The following PDS5A variants were observed in gnomAD, a reference collection of about 807,000 sequenced individuals.
PDS5A encodes PDS5 cohesin associated factor A.
PDS5A carries 42 observed loss-of-function variants against 167.1 expected under a neutral mutation model. The observed-to-expected ratio is 0.25, with a 90% CI of 0.20 to 0.33. The LOEUF is 0.33. Ranked by LOEUF, PDS5A falls within the 10% of genes least tolerant of loss-of-function variation. The pLI, the probability that PDS5A is intolerant of heterozygous loss-of-function variation, is 1.00. For missense variants in PDS5A, 1,033 were observed against 1,605.9 expected (o/e 0.64, Z 6.10); for synonymous variants, 553 against 554.6 (o/e 1.00, Z 0.04).
chr4:39,928,233 TAA>T (rs149442914), intron 2 of PDS5A, 69 bp from the exon 3 acceptor site: 742 of 812,066 alleles, frequency 9.1e-4, no homozygotes, highest in South Asian at 1.7e-3. Context: ...GGATGTGATT[TAA>T]AAAAAAAAAA....
chr4:39,928,228 T>C (rs1725638911), intron 2 of PDS5A, 64 bp from the exon 3 acceptor site: 3 of 1,119,638 alleles, frequency 2.7e-6, no homozygotes, highest in Non-Finnish European at 3.8e-6. Context: ...GTGGAGGATG[T>C]GATTTAAAAA....
At chr4:39,896,898 A>G (rs867207658) in intron 16 of PDS5A, among the ~76,000 whole-genome samples, 9 of 149,518 alleles carry the variant, frequency 6.0e-5, no homozygotes, top group Admixed American at 2.0e-4. Flanking sequence ...CAGTTCCGTT[A>G]TAATCTTTTT....
chr4:39,951,105 C>A (rs991762001), intron 2 of PDS5A, among the ~76,000 whole-genome samples: 4 of 152,066 alleles, frequency 2.6e-5, no homozygotes, highest in Non-Finnish European at 4.4e-5. Context: ...GTTGCCCAGG[C>A]TGGTCTCAAA....
intron 2 of PDS5A, among the ~76,000 whole-genome samples, chr4:39,965,279 C>A (rs1460689495): frequency 6.6e-6 from 1 of 152,160 alleles, no homozygotes; most frequent in Non-Finnish European, 1.5e-5. Context: ...CAGAAAAGAA[C>A]CCAGCTGGGT....
At position 39,862,730 on chromosome 4, in the gene PDS5A, A is replaced by G. The variant is rs1382218533; in HGVS notation, c.2971+139T>C. The G allele has an allele frequency of 6.4e-6, 4 of 624,350 alleles. No individual in the cohort carries two copies. The Admixed American group carries it at 1.2e-4, about 18-fold the overall frequency. 38.7% of individuals were successfully genotyped at this position (624,350 alleles called of 1,614,324 possible). On this transcript the variant is annotated intron_variant, in intron 25 of 32. Coordinates refer to ENST00000303538, the MANE Select transcript of PDS5A (RefSeq NM_001100399.2). ...CAGGAGTTCAGTTTTTAAGTACATC[A>G]TAACTACAATGACAGCATTCTATAA...
chr4:39,874,245 A>G, intron 20 of PDS5A, 44 bp downstream of exon 20: 1 of 1,544,502 alleles, frequency 6.5e-7, no homozygotes, highest in Non-Finnish European at 8.8e-7. Context: ...ATAGAGCTTA[A>G]AAAATAAAGA....
intron 32 of PDS5A, among the ~76,000 whole-genome samples, chr4:39,831,090 G>C (rs1715819573): frequency 6.6e-6 from 1 of 152,142 alleles, no homozygotes; most frequent in Admixed American, 6.6e-5. Flanking sequence ...TAGCCACATA[G>C]AGTTGTTTTT....
At position 39,936,468 on chromosome 4, in the gene PDS5A, G is replaced by A. The variant is rs575690318; in HGVS notation, c.139-8304C>T. On this transcript the variant is annotated intron_variant, in intron 2 of 32. Coordinates refer to ENST00000303538, the MANE Select transcript of PDS5A (RefSeq NM_001100399.2). ...TTATTTATCTATTTGAGACAGTTTC[G>A]CTGTCACCCAGGCTGGAGTGCAGTG... Among the ~76,000 whole-genome samples, 11 of 152,070 alleles carry A rather than the reference G, an allele frequency of 7.2e-5. No homozygotes were observed. In the South Asian group the frequency reaches 1.5e-3, roughly 20 times the overall value.
intron 5 of PDS5A, among the ~76,000 whole-genome samples, chr4:39,924,942 T>C (rs1652158276): frequency 6.6e-6 from 1 of 152,092 alleles, no homozygotes; most frequent in African/African-American, 2.4e-5. Flanking sequence ...CAAAACTCTA[T>C]CTCTACTAAA....
chr4:39,835,823 A>C (rs769847197), intron 32 of PDS5A, among the ~76,000 whole-genome samples: 3 of 152,164 alleles, frequency 2.0e-5, no homozygotes, highest in Non-Finnish European at 4.4e-5. Flanking sequence ...GTGCCTGGCC[A>C]CAAGTATGTA....
rs997080322 is a variant in PDS5A, at chr4:39,898,958, G to A, written c.1582-133C>T. The stretch of plus-strand genomic sequence containing the variant: ...AAAGTTCATCACAGTCTGCTCAATG[G>A]AAAATGGTTTTACCACATATATACG... On this transcript the variant is annotated intron_variant, in intron 14 of 32. Transcript: ENST00000303538. 45 of 612,106 alleles carry A rather than the reference G, an allele frequency of 7.4e-5. 1 individual carries two copies. The Middle Eastern group carries it at 1.2e-3, about 16-fold the overall frequency. 37.9% of individuals were successfully genotyped at this position (612,106 alleles called of 1,614,324 possible). A position where few individuals can be genotyped will look rare whatever the true frequency, so the allele number is the denominator to read the frequency against.
rs572640597 is a variant in PDS5A at position 39,825,137 on chromosome 4, G to A, written c.*348C>T. ...CTTTCTTTAAAATAAAAACTGCAGCGTGGAAATTAATGGTGTATTACGCAT... is the reference window on the plus strand; with the variant it reads ...CTTTCTTTAAAATAAAAACTGCAGCATGGAAATTAATGGTGTATTACGCAT... On this transcript the variant is annotated 3_prime_UTR_variant, in exon 33 of 33. Coordinates refer to ENST00000303538, the MANE Select transcript of PDS5A (RefSeq NM_001100399.2). 28 of 213,828 alleles carry A rather than the reference G, an allele frequency of 1.3e-4. No individual in the cohort carries two copies. The South Asian group carries it at 5.1e-3, about 39-fold the overall frequency. The allele number at this position is 213,828 out of a possible 1,614,324, so 13.2% of individuals were successfully genotyped here.
chr4:39,862,834 A>G (rs774856158), intron 25 of PDS5A, 35 bp downstream of exon 25: 1 of 1,364,176 alleles, frequency 7.3e-7, no homozygotes, highest in African/African-American at 1.4e-5. Context: ...CATTGACAAA[A>G]TATATTTGCA....
intron 2 of PDS5A, chr4:39,974,077 G>A (rs10031297): frequency 0.015 from 8,080 of 524,262 alleles, 103 homozygotes; most frequent in Non-Finnish European, 0.022. Flanking sequence ...AGTGAGCCGA[G>A]ATCGCACCCA....
rs1172369840 is a variant in PDS5A at position 39,824,807 on chromosome 4, G to T, written c.*678C>A. 2.6e-5 allele frequency: 4 copies of T among 152,486 alleles called. No individual in the cohort carries two copies. Among genetic ancestry groups the T allele is most frequent in the African/African-American group, 9.7e-5 (4 of 41,402 alleles). The allele number at this position is 152,486 out of a possible 1,614,324, so 9.4% of individuals were successfully genotyped here. ...TCAAAATATGAACTGTTTACTACTT[G>T]CAAATCAATAATTTTAATTTTCTCA... is the stretch of plus-strand genomic sequence containing the variant. On this transcript the variant is annotated 3_prime_UTR_variant, in exon 33 of 33. Transcript: ENST00000303538.
At chr4:39,847,202 T>C (rs1717685513) in intron 28 of PDS5A, 1 of 152,196 alleles carries the variant, frequency 6.6e-6, no homozygotes, top group African/African-American at 2.4e-5. Flanking sequence ...CAAGTAGGAA[T>C]TTAATTCTTG....
intron 2 of PDS5A, among the ~76,000 whole-genome samples, chr4:39,930,246 A>AAAAAAAAAAAAAGTTTT: frequency 1.1e-5 from 1 of 93,090 alleles, no homozygotes; most frequent in East Asian, 4.9e-4. Flanking sequence ...AAAAAAAAAA[A>AAAAAAAAAAAAAGTTTT]GTTTTTTTGT....
rs1722610921 is a variant in PDS5A at position 39,898,510 on chromosome 4, C to T, written c.1649G>A (p.Gly550Glu). ...MTIAKNLPDP[G>E]KAQDFVKKFN... ...TTTCTTCACAAAATCTTGTGCTTTCCCGGGGTCAGGCAAATTCTCTATAAA... is the reference window on the plus strand; with the variant it reads ...TTTCTTCACAAAATCTTGTGCTTTCTCGGGGTCAGGCAAATTCTCTATAAA... Residue 550 changes from glycine to glutamate, a missense_variant, in exon 16 of 33, where the codon GGG becomes GAG. By Grantham distance (98) the Gly-to-Glu change is moderately conservative. Coordinates refer to ENST00000303538, the MANE Select transcript of PDS5A (RefSeq NM_001100399.2). 2 of 1,585,798 alleles carry T rather than the reference C, an allele frequency of 1.3e-6. No individual in the cohort carries two copies. Among genetic ancestry groups the T allele is most frequent in the Admixed American group, 1.8e-5 (1 of 56,230 alleles).
chr4:39,955,221 T>C (rs1728812767), intron 2 of PDS5A, among the ~76,000 whole-genome samples: 1 of 152,138 alleles, frequency 6.6e-6, no homozygotes, highest in Non-Finnish European at 1.5e-5. Context: ...ATAGAACATT[T>C]GGGATTTACC....
Sources: gnomAD v4.1 joint callset for allele counts (sites outside exome capture counted in the v4.1 genomes callset) on GRCh38, gnomAD v4.1.1 for gene constraint, MANE v1.5 for transcripts, NCBI Gene and HGNC (gene_info 2026-07-23, HGNC 2026-07-21) for gene names.